MAPK10: variants seen among roughly 807,000 people sequenced by gnomAD.
MAPK10 encodes mitogen-activated protein kinase 10, also known as JNK3 alpha protein kinase.
In MAPK10, 25 loss-of-function variants were observed where a neutral mutation model predicts 59.3. The ratio of observed to expected loss-of-function variants is 0.42; its 90% CI spans 0.31 to 0.59. The LOEUF (loss-of-function observed/expected upper bound fraction) is 0.59, where lower values mean the gene tolerates loss of function less well. MAPK10 is among the 20% of genes least tolerant of loss of function. The probability of loss-of-function intolerance (pLI) is 0.15; values close to 1 mark genes in which losing one functional copy is unlikely to be tolerated. For synonymous variants in MAPK10, 190 were observed against 200.5 expected (o/e 0.95, Z 0.44); for missense variants, 351 against 568.9 (o/e 0.62, Z 3.90).
At chr4:86,120,058 T>C (rs1266100580) in intron 4 of MAPK10, 2 of 152,236 alleles carry the variant, frequency 1.3e-5, no homozygotes, top group Non-Finnish European at 2.9e-5. Context: ...TTCTGGAGAA[T>C]ACAGTGTTTG....
chr4:86,548,959 TGATTTAGTGATTCCCATTCTA>T (rs1759536084), intron 1 of MAPK10, among the ~76,000 whole-genome samples: 2 of 152,228 alleles, frequency 1.3e-5, no homozygotes, highest in African/African-American at 4.8e-5. Flanking sequence ...TTCACTGTTA[TGATTTAGTGATTCCCATTCTA>T]GAGCAAAATG....
At chr4:86,369,280 A>C (rs909000044) in intron 1 of MAPK10, among the ~76,000 whole-genome samples, 4 of 152,204 alleles carry the variant, frequency 2.6e-5, no homozygotes, top group Non-Finnish European at 2.9e-5. Context: ...TTAAAATAAA[A>C]GTTTAATAAT....
intron 4 of MAPK10, among the ~76,000 whole-genome samples, chr4:86,153,453 A>G (rs2066948974): frequency 6.6e-6 from 1 of 152,208 alleles, no homozygotes; most frequent in African/African-American, 2.4e-5. Flanking sequence ...AATGTCCACA[A>G]AACATTCCAA....
intron 9 of MAPK10, among the ~76,000 whole-genome samples, chr4:86,068,243 C>G (rs1277512659): frequency 1.3e-5 from 2 of 152,110 alleles, no homozygotes; most frequent in South Asian, 2.1e-4. Context: ...TCAGATAACA[C>G]AAGATGAATC....
intron 1 of MAPK10, among the ~76,000 whole-genome samples, chr4:86,524,050 G>T (rs531548627): frequency 6.6e-6 from 1 of 152,124 alleles, no homozygotes; most frequent in Admixed American, 6.5e-5. Flanking sequence ...TTGTTAAAAA[G>T]AGCCTGCCGC....
intron 2 of MAPK10, among the ~76,000 whole-genome samples, chr4:86,336,782 T>G (rs1238727318): frequency 7.6e-6 from 1 of 131,554 alleles, no homozygotes; most frequent in African/African-American, 2.8e-5. Context: ...CAGGAATGAC[T>G]CCTTTTTTTT....
At chr4:86,195,252 C>A (rs1406213607) in intron 2 of MAPK10, among the ~76,000 whole-genome samples, 2 of 152,136 alleles carry the variant, frequency 1.3e-5, no homozygotes, top group African/African-American at 4.8e-5. Context: ...TTGTTGAATG[C>A]TGATTGTGTG....
intron 4 of MAPK10, among the ~76,000 whole-genome samples, chr4:86,145,495 C>G (rs1482954052): frequency 6.6e-6 from 1 of 151,948 alleles, no homozygotes; most frequent in African/African-American, 2.4e-5. Context: ...TTCTGTTTCA[C>G]AAAGAATTAC....
At chr4:86,449,854 C>T (rs888281167) in intron 1 of MAPK10, among the ~76,000 whole-genome samples, 3 of 152,176 alleles carry the variant, frequency 2.0e-5, no homozygotes, top group African/African-American at 4.8e-5. Context: ...ATGTTGTAGG[C>T]GCACAAAGGG....
intron 2 of MAPK10, among the ~76,000 whole-genome samples, chr4:86,233,475 C>T (rs907022178): frequency 2.6e-5 from 4 of 152,158 alleles, no homozygotes; most frequent in Non-Finnish European, 4.4e-5. Context: ...TTACTTCTCC[C>T]CAGGCATTAA....
chr4:86,574,780 G>A (rs1761749126), intron 1 of MAPK10, among the ~76,000 whole-genome samples: 1 of 151,846 alleles, frequency 6.6e-6, no homozygotes, highest in Non-Finnish European at 1.5e-5. Flanking sequence ...GAGGGGATGG[G>A]GGGCAAATTA....
At chr4:86,332,144 T>C (rs2096169280) in intron 2 of MAPK10, among the ~76,000 whole-genome samples, 1 of 152,124 alleles carries the variant, frequency 6.6e-6, no homozygotes, top group Non-Finnish European at 1.5e-5. Context: ...ACTGCAAATA[T>C]TTCAACACAC....
At chr4:86,477,209 C>G (rs1240862021) in intron 1 of MAPK10, among the ~76,000 whole-genome samples, 1 of 152,162 alleles carries the variant, frequency 6.6e-6, no homozygotes, top group Non-Finnish European at 1.5e-5. Context: ...GCCTGTTTCC[C>G]TTGCCTCCAT....
At chr4:86,269,888 AG>A (rs972235596) in intron 2 of MAPK10, among the ~76,000 whole-genome samples, 1 of 152,116 alleles carries the variant, frequency 6.6e-6, no homozygotes, top group Non-Finnish European at 1.5e-5. Flanking sequence ...TTAGTAAAAA[AG>A]TTTTGATTAA....
At chr4:86,496,794 T>C (rs951002290) in intron 1 of MAPK10, among the ~76,000 whole-genome samples, 21 of 151,392 alleles carry the variant, frequency 1.4e-4, no homozygotes, top group Admixed American at 7.3e-4. Flanking sequence ...AATATTTAAT[T>C]CCCCCCCCAC....
At chr4:86,187,703 C>T (rs746768422) in intron 3 of MAPK10, among the ~76,000 whole-genome samples, 1 of 151,978 alleles carries the variant, frequency 6.6e-6, no homozygotes, top group Non-Finnish European at 1.5e-5. Flanking sequence ...AAAAAATTAC[C>T]TTTATTCCCA....
chr4:86,252,679 C>A (rs1214666752), intron 2 of MAPK10, among the ~76,000 whole-genome samples: 7 of 48,806 alleles, frequency 1.4e-4, no homozygotes, highest in Admixed American at 5.4e-4. Context: ...TCCATATGAA[C>A]TTTAAAGTAG....
At chr4:86,204,020 T>A (rs1306846787) in intron 2 of MAPK10, among the ~76,000 whole-genome samples, 1 of 151,852 alleles carries the variant, frequency 6.6e-6, no homozygotes, top group Non-Finnish European at 1.5e-5. Flanking sequence ...TAAAATTGTA[T>A]CGGAACATAG....
At chr4:86,061,419 G>GGGGTTCCT (rs1303555395) in intron 11 of MAPK10, among the ~76,000 whole-genome samples, 1 of 152,136 alleles carries the variant, frequency 6.6e-6, no homozygotes, top group African/African-American at 2.4e-5. Flanking sequence ...AATTTGAGCA[G>GGGGTTCCT]TTATTTCAAA....
Sources: allele counts gnomAD v4.1 joint callset (sites outside exome capture counted in the v4.1 genomes callset), GRCh38; gene constraint gnomAD v4.1.1; transcripts MANE v1.5; gene names NCBI Gene and HGNC (gene_info 2026-07-23, HGNC 2026-07-21).